Variants in PTPRR observed in about 807,000 individuals in gnomAD.
PTPRR encodes the protein receptor-type tyrosine-protein phosphatase R.
PTPRR carries 38 observed loss-of-function variants against 77.2 expected under a neutral mutation model. That is an observed-to-expected ratio of 0.49 (90% CI 0.38 to 0.65). PTPRR has a LOEUF of 0.65. Ranked by LOEUF, PTPRR falls within the 30% of genes least tolerant of loss-of-function variation. The pLI is 0.00. For synonymous variants in PTPRR, 299 were observed against 283.1 expected, an observed-to-expected ratio of 1.06 and a Z score of -0.57; for missense variants, 744 against 799.2, an observed-to-expected ratio of 0.93 and a Z score of 0.83.
chr12:70,874,424 T>C (rs1346997158), intron 2 of PTPRR, among the ~76,000 whole-genome samples: 2 of 152,160 alleles, frequency 1.3e-5, no homozygotes, highest in African/African-American at 4.8e-5. Context: ...ATGAATGATC[T>C]GGAGTTGTAC....
intron 6 of PTPRR, among the ~76,000 whole-genome samples, chr12:70,734,487 C>G (rs922377728): frequency 3.3e-5 from 5 of 152,038 alleles, no homozygotes; most frequent in African/African-American, 9.7e-5. Flanking sequence ...GGGTTGCAGG[C>G]TAATGGATGT....
At chr12:70,819,131 G>A (rs1360747400) in intron 2 of PTPRR, among the ~76,000 whole-genome samples, 1 of 152,146 alleles carries the variant, frequency 6.6e-6, no homozygotes, top group Non-Finnish European at 1.5e-5. Context: ...GACCAGACTA[G>A]TCGACATGGT....
intron 8 of PTPRR, among the ~76,000 whole-genome samples, chr12:70,687,447 T>C (rs1171938791): frequency 2.0e-5 from 3 of 150,596 alleles, no homozygotes; most frequent in Non-Finnish European, 3.0e-5. Flanking sequence ...AGCTTTAGAT[T>C]GACTTGTGAA....
intron 2 of PTPRR, among the ~76,000 whole-genome samples, chr12:70,826,832 T>G (rs1280998422): frequency 6.6e-6 from 1 of 152,212 alleles, no homozygotes; most frequent in Non-Finnish European, 1.5e-5. Context: ...TGCCTCATCC[T>G]CAAGGCTCTA....
chr12:70,838,128 C>T (rs1259283409), intron 2 of PTPRR, among the ~76,000 whole-genome samples: 1 of 152,144 alleles, frequency 6.6e-6, no homozygotes, highest in Non-Finnish European at 1.5e-5. Context: ...ATCCTGAAGA[C>T]TGGATCTCAT....
chr12:70,648,475 T>C (rs1261303075), intron 13 of PTPRR, among the ~76,000 whole-genome samples: 3 of 152,282 alleles, frequency 2.0e-5, no homozygotes, highest in African/African-American at 7.2e-5. Context: ...CAATGAATAT[T>C]AACTTGCAAG....
chr12:70,913,356 T>C (rs565187580), intron 1 of PTPRR, among the ~76,000 whole-genome samples: 2 of 152,244 alleles, frequency 1.3e-5, no homozygotes, highest in East Asian at 3.9e-4. Context: ...GGTTGAATAA[T>C]TTTTGGTCTT....
At chr12:70,852,482 T>G (rs1435456563) in intron 2 of PTPRR, among the ~76,000 whole-genome samples, 4 of 152,170 alleles carry the variant, frequency 2.6e-5, no homozygotes, top group African/African-American at 9.7e-5. Flanking sequence ...CTGTATTACT[T>G]CTTTTTATAC....
intron 12 of PTPRR, among the ~76,000 whole-genome samples, chr12:70,659,255 A>G (rs1886706808): frequency 6.6e-6 from 1 of 152,056 alleles, no homozygotes; most frequent in South Asian, 2.1e-4. Flanking sequence ...GAGAAAGGGC[A>G]CAGGTAGGCC....
chr12:70,911,358 C>T (rs780326940), intron 1 of PTPRR, among the ~76,000 whole-genome samples: 5 of 152,140 alleles, frequency 3.3e-5, no homozygotes, highest in African/African-American at 4.8e-5. Flanking sequence ...CAGCATCCCT[C>T]GTCCATGCTT....
At chr12:70,907,079 T>G (rs1331204789) in intron 1 of PTPRR, 1 of 152,212 alleles carries the variant, frequency 6.6e-6, no homozygotes, top group Admixed American at 6.5e-5. Context: ...AGATCCAGTC[T>G]ACACACTGGC....
intron 2 of PTPRR, among the ~76,000 whole-genome samples, chr12:70,833,858 C>G (rs563984981): frequency 1.5e-4 from 23 of 152,138 alleles, no homozygotes; most frequent in Non-Finnish European, 2.6e-4. Context: ...TGCTCATTCC[C>G]TCCCATGCAA....
At chr12:70,731,386 C>T (rs1434298062) in intron 6 of PTPRR, among the ~76,000 whole-genome samples, 1 of 152,116 alleles carries the variant, frequency 6.6e-6, no homozygotes, top group East Asian at 1.9e-4. Context: ...GAAGTATTGC[C>T]TCACCTGGAG....
intron 10 of PTPRR, among the ~76,000 whole-genome samples, chr12:70,669,492 A>G (rs992281924): frequency 5.8e-5 from 8 of 138,430 alleles, no homozygotes; most frequent in Non-Finnish European, 9.0e-5. Context: ...GTGTGTGTGT[A>G]TATATATACG....
intron 2 of PTPRR, among the ~76,000 whole-genome samples, chr12:70,794,590 A>G (rs1166086892): frequency 6.6e-6 from 1 of 152,222 alleles, no homozygotes; most frequent in Non-Finnish European, 1.5e-5. Context: ...ACGAACACAC[A>G]CAAATGGAGG....
chr12:70,786,921 A>G (rs1891334412), intron 2 of PTPRR, among the ~76,000 whole-genome samples: 1 of 152,228 alleles, frequency 6.6e-6, no homozygotes, highest in Non-Finnish European at 1.5e-5. Context: ...CATGGTTAAA[A>G]TGAATAAAGG....
intron 6 of PTPRR, among the ~76,000 whole-genome samples, chr12:70,740,773 G>T (rs1890021689): frequency 6.6e-6 from 1 of 152,050 alleles, no homozygotes; most frequent in South Asian, 2.1e-4. Context: ...AGTCTTTATG[G>T]TCTCCTGGTG....
At chr12:70,863,749 A>C (rs980531908) in intron 2 of PTPRR, among the ~76,000 whole-genome samples, 18 of 151,898 alleles carry the variant, frequency 1.2e-4, no homozygotes, top group African/African-American at 4.1e-4. Flanking sequence ...TTGTGTTCAG[A>C]ATTTAAGGAT....
intron 6 of PTPRR, among the ~76,000 whole-genome samples, chr12:70,745,036 A>G (rs1480818598): frequency 1.3e-5 from 2 of 152,192 alleles, no homozygotes. Flanking sequence ...AATACATCAC[A>G]AAAAAGGTAA....
Sources: allele counts gnomAD v4.1 joint callset (sites outside exome capture counted in the v4.1 genomes callset), GRCh38; gene constraint gnomAD v4.1.1; transcripts MANE v1.5; gene names NCBI Gene and HGNC (gene_info 2026-07-23, HGNC 2026-07-21).